The following DMTF1 variants were observed in gnomAD, a reference collection of about 807,000 sequenced individuals.
DMTF1 encodes the protein cyclin D binding myb like transcription factor 1, also known as cyclin-D-binding Myb-like transcription factor 1.
DMTF1 carries 39 observed loss-of-function variants against 91.1 expected under a neutral mutation model. That is an observed-to-expected ratio of 0.43 (90% CI 0.33 to 0.56). DMTF1 has a LOEUF of 0.56. Among genes scored for constraint, DMTF1 ranks in the 20% least tolerant of loss-of-function variants. The pLI, the probability that DMTF1 is intolerant of heterozygous loss-of-function variation, is 0.05. For synonymous variants in DMTF1, 338 were observed against 309.5 expected (o/e 1.09, Z -0.97); for missense variants, 750 against 914.5 (o/e 0.82, Z 2.32).
chr7:87,173,166 T>C (rs745961540), intron 5 of DMTF1, among the ~76,000 whole-genome samples: 6 of 152,182 alleles, frequency 3.9e-5, no homozygotes, highest in Admixed American at 6.5e-5. Context: ...ATATTGTATA[T>C]TGAGCTCATT....
Position 87,195,199 on chromosome 7 carries a change from T to TA in DMTF1, c.*59_*60insA. 1 of 1,235,216 alleles carries TA rather than the reference T, an allele frequency of 8.1e-7. No homozygotes were observed. Among genetic ancestry groups the TA allele is most frequent in the South Asian group, 1.3e-5 (1 of 79,428 alleles). The allele number at this position is 1,235,216 out of a possible 1,614,324, so 76.5% of individuals were successfully genotyped here. A position where few individuals can be genotyped will look rare whatever the true frequency, so the allele number is the denominator to read the frequency against. Reference sequence around the variant, plus strand: ...AAGGCACACTGTTAATTACAACCTCTTCAAAGAAATAGGAGCAACCCCCAA... The same window carrying TA: ...AAGGCACACTGTTAATTACAACCTCTATCAAAGAAATAGGAGCAACCCCCAA... On this transcript the variant is annotated 3_prime_UTR_variant, in exon 18 of 18. Transcript: ENST00000331242.
chr7:87,163,481 T>C lies in DMTF1; in HGVS notation c.-131-14T>C, dbSNP rs577986983. 1 of 152,394 alleles carries C rather than the reference T, an allele frequency of 6.6e-6. No individual in the cohort carries two copies. Among genetic ancestry groups the C allele is most frequent in the African/African-American group, 2.4e-5 (1 of 41,598 alleles). 9.4% of individuals were successfully genotyped at this position (152,394 alleles called of 1,614,324 possible). ...TATTAAGCCTTATTGTGTGTAATGC[T>C]GTTACTTTTTCAGAGTGTTGCGGAG... On this transcript the variant is annotated splice_polypyrimidine_tract_variant and intron_variant, in intron 1 of 17. Transcript: ENST00000331242.
chr7:87,194,140 C>A, intron 16 of DMTF1, 38 bp downstream of exon 16: 1 of 1,515,776 alleles, frequency 6.6e-7, no homozygotes, highest in Non-Finnish European at 8.8e-7. Flanking sequence ...TGGATTCTTG[C>A]CTTGAGCCTC....
chr7:87,163,412 G>A (rs1468608184), intron 1 of DMTF1, 83 bp from the exon 2 acceptor site: 1 of 152,184 alleles, frequency 6.6e-6, no homozygotes, highest in South Asian at 2.1e-4. Context: ...AGAGGCTTGG[G>A]CCTAGATTGT....
intron 1 of DMTF1, among the ~76,000 whole-genome samples, chr7:87,160,296 C>T (rs1268725884): frequency 7.1e-6 from 1 of 141,056 alleles, no homozygotes; most frequent in Non-Finnish European, 1.5e-5. Context: ...TTTTTTTTGA[C>T]GAAGTCTCAC....
chr7:87,166,525 A>G lies in DMTF1; in HGVS notation c.152A>G (p.His51Arg). The G allele has an allele frequency of 6.2e-7, 1 of 1,613,454 alleles. No homozygotes were observed. The highest frequency in any genetic ancestry group is 8.5e-7 in the Non-Finnish European group (1 of 1,179,486). ...IDSEDSIEPP[H>R]KRLCLSSEDD... ...TCAGAAGATAGTATTGAACCTCCAC[A>G]TAAAAGGCTTTGTTTGTCCTCTGAG... Residue 51 changes from histidine to arginine, a missense_variant, in exon 4 of 18, where the codon CAT becomes CGT. By Grantham distance (29) the His-to-Arg change is conservative. Around this residue, in one of 3 missense-constraint regions of DMTF1, gnomAD observed 150 missense variants for 150.4 expected, o/e 1.00. Transcript: ENST00000331242.
At chr7:87,155,776 C>T (rs1649646273) in intron 1 of DMTF1, among the ~76,000 whole-genome samples, 1 of 129,746 alleles carries the variant, frequency 7.7e-6, no homozygotes, top group Non-Finnish European at 1.6e-5. Context: ...AAAGATAATC[C>T]ATTCCATGAC....
At chr7:87,179,847 G>GACC in intron 8 of DMTF1, 145 bp downstream of exon 8, 2 of 711,490 alleles carry the variant, frequency 2.8e-6, no homozygotes, top group Non-Finnish European at 4.3e-6. Context: ...TGTGAATATG[G>GACC]TGAAACCTTA....
chr7:87,165,966 T>G (rs569825105), intron 3 of DMTF1, among the ~76,000 whole-genome samples: 2 of 152,350 alleles, frequency 1.3e-5, no homozygotes, highest in East Asian at 3.9e-4. Flanking sequence ...GTCCTACCTA[T>G]CATTCGTCTT....
rs1159464194 is a variant in DMTF1 at position 87,185,003 on chromosome 7, C to T, written c.1049+378C>T. On this transcript the variant is annotated intron_variant, in intron 11 of 17. Transcript: ENST00000331242. The stretch of plus-strand genomic sequence containing the variant: ...AAGAGGGCTGTTCAGTCTCCATGCC[C>T]TTCAATCCTTGGCTACTGTGCTAAG... 10 of 402,220 alleles carry T rather than the reference C, an allele frequency of 2.5e-5. 1 individual carries two copies. 24.9% of individuals were successfully genotyped at this position (402,220 alleles called of 1,614,324 possible).
chr7:87,168,635 G>A (rs529617341), intron 4 of DMTF1, among the ~76,000 whole-genome samples: 3 of 152,008 alleles, frequency 2.0e-5, no homozygotes, highest in Non-Finnish European at 4.4e-5. Flanking sequence ...CTTATTTGGT[G>A]AACTCATAAC....
intron 5 of DMTF1, among the ~76,000 whole-genome samples, chr7:87,171,696 A>G (rs1795103764): frequency 6.6e-6 from 1 of 152,198 alleles, no homozygotes; most frequent in South Asian, 2.1e-4. Flanking sequence ...TCATTTTAAA[A>G]GCAACAGCAT....
intron 15 of DMTF1, 124 bp downstream of exon 15, chr7:87,193,477 T>TTA (rs761639187): frequency 9.9e-5 from 98 of 990,306 alleles, no homozygotes; most frequent in Non-Finnish European, 1.4e-4. Flanking sequence ...AGGCACAGTG[T>TTA]TATACACCAT....
chr7:87,157,550 A>C (rs1254150821), intron 1 of DMTF1, among the ~76,000 whole-genome samples: 6 of 152,160 alleles, frequency 3.9e-5, no homozygotes, highest in Admixed American at 3.9e-4. Flanking sequence ...TGCCCAGAAA[A>C]ATCAGGACGA....
At chr7:87,161,161 A>G (rs1407106822) in intron 1 of DMTF1, among the ~76,000 whole-genome samples, 1 of 152,184 alleles carries the variant, frequency 6.6e-6, no homozygotes, top group East Asian at 1.9e-4. Context: ...TACTGACCAC[A>G]TAGCTCAGAC....
chr7:87,165,032 C>T lies in DMTF1; in HGVS notation c.91C>T (p.Leu31Phe). Residue 31 changes from leucine to phenylalanine, a missense_variant, in exon 3 of 18, where the codon CTT becomes TTT. Around this residue, in one of 3 missense-constraint regions of DMTF1, gnomAD observed 150 missense variants for 150.4 expected, o/e 1.00. Transcript: ENST00000331242. ...TCAGGACACAGAAGGGAATCTCATT[C>T]TTCACTGCCCTCAGAATGGTAGGAG... ...LTQDTEGNLI[L>F]HCPQNEADEI... The T allele has an allele frequency of 6.2e-7, 1 of 1,607,408 alleles. No individual in the cohort carries two copies. The highest frequency in any genetic ancestry group is 8.5e-7 in the Non-Finnish European group (1 of 1,175,532).
In DMTF1 at chr7:87,183,258, C is replaced by T. The variant is rs551231490; in HGVS notation, c.820+921C>T. ...TTCTACCAACTTTGTCATTCTGTGA[C>T]ATGGCCAGCTTAATGAAAGAAGCAG... On this transcript the variant is annotated intron_variant, in intron 10 of 17. Transcript: ENST00000331242. 1.3e-4 allele frequency among the ~76,000 whole-genome samples: 20 copies of T among 152,338 alleles called. No homozygotes were observed. The South Asian group carries it at 1.9e-3, about 14-fold the overall frequency.
rs1800310561 is a variant in DMTF1, at chr7:87,193,213, C to T, written c.1510C>T (p.Pro504Ser). The T allele has an allele frequency of 1.2e-6, 2 of 1,613,054 alleles. No individual in the cohort carries two copies. The highest frequency in any genetic ancestry group is 1.7e-6 in the Non-Finnish European group (2 of 1,179,428). ...FEILPSFHLQ[P>S]TGTPGTYLLQ... ...TTTCCTTTAGTCTTTCCATCTACAG[C>T]CCACTGGCACTCCAGGCACCTACCT... Residue 504 changes from proline (P) to serine (S), a missense_variant, in exon 15 of 18, where the codon CCC becomes TCC. By Grantham distance (74) the Pro-to-Ser change is moderately conservative (BLOSUM62 -1). Transcript: ENST00000331242.
chr7:87,160,434 C>T (rs1201622465), intron 1 of DMTF1, among the ~76,000 whole-genome samples: 1 of 151,912 alleles, frequency 6.6e-6, no homozygotes, highest in Non-Finnish European at 1.5e-5. Context: ...GCCACCACAC[C>T]CGGCTAATTT....
Sources: allele counts gnomAD v4.1 joint callset (sites outside exome capture counted in the v4.1 genomes callset), GRCh38; gene constraint gnomAD v4.1.1; regional missense constraint gnomAD v4.1.1; transcripts MANE v1.5; gene names NCBI Gene and HGNC (gene_info 2026-07-23, HGNC 2026-07-21).